Variants in SHB observed in about 807,000 individuals in gnomAD.
SHB encodes the protein SH2 domain containing adaptor protein B.
Under a neutral mutation model 52.3 loss-of-function variants are expected in SHB, and 20 were observed. The observed-to-expected ratio is 0.38, with a 90% CI of 0.27 to 0.56. SHB has a LOEUF of 0.56. Ranked by LOEUF, SHB falls within the 20% of genes least tolerant of loss-of-function variation. The pLI is 0.71. For missense variants in SHB, 825 were observed against 723.3 expected, an observed-to-expected ratio of 1.14 and a Z score of -1.61; for synonymous variants, 397 against 316.5, an observed-to-expected ratio of 1.25 and a Z score of -2.70.
At chr9:38,060,745 G>A (rs182591619) in intron 1 of SHB, among the ~76,000 whole-genome samples, 199 of 152,190 alleles carry the variant, frequency 1.3e-3, no homozygotes, top group African/African-American at 4.5e-3. Flanking sequence ...ATCTCCTGTG[G>A]CTCCATGAAA....
At chr9:37,961,555 C>T (rs1328800740) in intron 3 of SHB, among the ~76,000 whole-genome samples, 4 of 152,232 alleles carry the variant, frequency 2.6e-5, no homozygotes, top group East Asian at 1.9e-4. Flanking sequence ...CCCTACAAAA[C>T]CCCTGTGGGT....
chr9:38,057,038 G>C (rs1297651402), intron 1 of SHB, among the ~76,000 whole-genome samples: 1 of 152,214 alleles, frequency 6.6e-6, no homozygotes, highest in Non-Finnish European at 1.5e-5. Context: ...TTGAAAGTAT[G>C]TATCAGACTT....
At chr9:37,998,319 G>A (rs569200734) in intron 2 of SHB, among the ~76,000 whole-genome samples, 8 of 152,172 alleles carry the variant, frequency 5.3e-5, no homozygotes, top group Non-Finnish European at 1.0e-4. Context: ...CTCCATAAAC[G>A]GTAAACTTCC....
At chr9:38,019,926 A>G (rs573709297) in intron 1 of SHB, among the ~76,000 whole-genome samples, 1 of 152,350 alleles carries the variant, frequency 6.6e-6, no homozygotes, top group Admixed American at 6.5e-5. Context: ...GCTCTGTGTG[A>G]GCTGGCACAG....
intron 1 of SHB, among the ~76,000 whole-genome samples, chr9:38,036,214 GC>G (rs1288509440): frequency 6.6e-6 from 1 of 151,902 alleles, no homozygotes; most frequent in Non-Finnish European, 1.5e-5. Context: ...AGCCACATTC[GC>G]CCCGACCCAC....
chr9:37,981,612 G>A (rs912230187), intron 2 of SHB, among the ~76,000 whole-genome samples: 11 of 152,056 alleles, frequency 7.2e-5, no homozygotes, highest in African/African-American at 2.7e-4. Context: ...TAACTATTCG[G>A]TGCAAGAAGC....
At chr9:38,004,443 C>T (rs964830892) in intron 2 of SHB, among the ~76,000 whole-genome samples, 2 of 152,070 alleles carry the variant, frequency 1.3e-5, no homozygotes, top group Middle Eastern at 3.2e-3. Flanking sequence ...AGGAGGTGGG[C>T]GCCCCCCAGC....
rs1018885210 is a variant in SHB, at chr9:38,044,149, C to T, written c.717+23780G>A. Among the ~76,000 whole-genome samples, 8 of 152,214 alleles carry T rather than the reference C, an allele frequency of 5.3e-5. No homozygotes were observed. The East Asian group carries it at 5.8e-4, about 11-fold the overall frequency. ...CCTGCCTCTCTCTAGCACAAGGAAG[C>T]GCTTTGTGCAGCCCAACACCTCATT... On this transcript the variant is annotated intron_variant, in intron 1 of 5. Transcript: ENST00000377707.
At chr9:37,958,437 G>A (rs557063778) in intron 3 of SHB, among the ~76,000 whole-genome samples, 2 of 152,266 alleles carry the variant, frequency 1.3e-5, no homozygotes, top group South Asian at 2.1e-4. Flanking sequence ...CTCACCAAAG[G>A]CCCTAATTAA....
chr9:38,025,592 G>A (rs1355685201), intron 1 of SHB, among the ~76,000 whole-genome samples: 1 of 152,206 alleles, frequency 6.6e-6, no homozygotes, highest in East Asian at 1.9e-4. Context: ...AGGGTCACAG[G>A]TGCCGGATGG....
intron 4 of SHB, among the ~76,000 whole-genome samples, chr9:37,955,297 A>G (rs980633945): frequency 6.6e-6 from 1 of 152,178 alleles, no homozygotes; most frequent in Non-Finnish European, 1.5e-5. Context: ...GTGGCAACAC[A>G]GTGTGGAGAG....
chr9:38,020,576 G>A (rs1202364965), intron 1 of SHB, among the ~76,000 whole-genome samples: 2 of 152,094 alleles, frequency 1.3e-5, no homozygotes, highest in African/African-American at 2.4e-5. Flanking sequence ...AGGACCCGAC[G>A]TGCCATCTCC....
intron 2 of SHB, among the ~76,000 whole-genome samples, chr9:38,001,245 A>G (rs1336646097): frequency 6.6e-6 from 1 of 152,186 alleles, no homozygotes; most frequent in African/African-American, 2.4e-5. Context: ...GCAACTCTGA[A>G]TGGCTCTTTG....
intron 1 of SHB, among the ~76,000 whole-genome samples, chr9:38,052,288 G>A (rs1326076573): frequency 1.3e-5 from 2 of 151,870 alleles, no homozygotes; most frequent in Non-Finnish European, 2.9e-5. Flanking sequence ...CCATGTTTCA[G>A]CAGAAACAAG....
chr9:37,924,985 T>C (rs1187704540), intron 5 of SHB, among the ~76,000 whole-genome samples: 3 of 152,218 alleles, frequency 2.0e-5, no homozygotes, highest in Non-Finnish European at 4.4e-5. Context: ...TCCCTGCAGC[T>C]TGGTGAGAAC....
At chr9:38,034,625 G>T (rs979869803) in intron 1 of SHB, among the ~76,000 whole-genome samples, 2 of 152,238 alleles carry the variant, frequency 1.3e-5, no homozygotes, top group Non-Finnish European at 2.9e-5. Flanking sequence ...TGTGCCAGGG[G>T]TTGACCACTG....
At chr9:37,929,925 G>A (rs986880646) in intron 5 of SHB, among the ~76,000 whole-genome samples, 4 of 152,180 alleles carry the variant, frequency 2.6e-5, no homozygotes, top group Non-Finnish European at 5.9e-5. Flanking sequence ...AACATCGTGA[G>A]ACCTCATCTC....
Position 38,016,021 on chromosome 9 carries a change from C to T in SHB, c.828G>A (p.Arg276=). ...TTCAGCTCCACTTACCTGTCATGAT[C>T]CTCTGTGCCTCATAGGGCTCCATGT... ...AGYMEPYEAQ[R]IMTEFQRQES... is the part of the protein sequence containing the mutation. The change falls in exon 2 of 6, where the codon AGG becomes AGA. Residue 276 remains arginine, a synonymous_variant. Coordinates refer to ENST00000377707, the MANE Select transcript of SHB (RefSeq NM_003028.3). 1 of 1,614,188 alleles carries T rather than the reference C, an allele frequency of 6.2e-7. No homozygotes were observed. The highest frequency in any genetic ancestry group is 2.2e-5 in the East Asian group (1 of 44,882).
chr9:38,027,988 T>G (rs1821365895), intron 1 of SHB, among the ~76,000 whole-genome samples: 1 of 152,058 alleles, frequency 6.6e-6, no homozygotes, highest in African/African-American at 2.4e-5. Context: ...CCCATCTGCT[T>G]GGCTCCTACC....
Sources: allele counts gnomAD v4.1 joint callset (sites outside exome capture counted in the v4.1 genomes callset), GRCh38; gene constraint gnomAD v4.1.1; transcripts MANE v1.5; gene names NCBI Gene and HGNC (gene_info 2026-07-23, HGNC 2026-07-21).